EPHA6: variants seen among roughly 807,000 people sequenced by gnomAD.
EPHA6 encodes the protein EPH receptor A6.
Under a neutral mutation model 112.0 loss-of-function variants are expected in EPHA6, and 50 were observed. That is an observed-to-expected ratio of 0.45 (90% CI 0.36 to 0.56). EPHA6 has a LOEUF of 0.56. Ranked by LOEUF, EPHA6 falls within the 20% of genes least tolerant of loss-of-function variation. The pLI, the probability that EPHA6 is intolerant of heterozygous loss-of-function variation, is 0.00. For synonymous variants in EPHA6, 529 were observed against 490.7 expected, an observed-to-expected ratio of 1.08 and a Z score of -1.03; for missense variants, 1,280 against 1,417.4, an observed-to-expected ratio of 0.90 and a Z score of 1.56.
intron 2 of EPHA6, among the ~76,000 whole-genome samples, chr3:96,874,876 A>T (rs1490930788): frequency 6.6e-6 from 1 of 152,084 alleles, no homozygotes; most frequent in East Asian, 1.9e-4. Flanking sequence ...GGACTTGATG[A>T]CCTGAAGTCA....
chr3:96,940,161 T>C (rs2040853119), intron 2 of EPHA6, among the ~76,000 whole-genome samples: 1 of 152,178 alleles, frequency 6.6e-6, no homozygotes, highest in Non-Finnish European at 1.5e-5. Context: ...GGTATCCTTG[T>C]TTACTTTCTG....
intron 3 of EPHA6, among the ~76,000 whole-genome samples, chr3:97,187,681 GAAA>G: frequency 5.7e-5 from 6 of 105,298 alleles, no homozygotes; most frequent in Non-Finnish European, 8.0e-5. Flanking sequence ...GAAAGAGAAA[GAAA>G]GAAGGAAAGA....
intron 2 of EPHA6, among the ~76,000 whole-genome samples, chr3:96,981,282 GC>G (rs1283011849): frequency 2.6e-5 from 4 of 152,066 alleles, no homozygotes; most frequent in Non-Finnish European, 4.4e-5. Flanking sequence ...TTTGTCAAAG[GC>G]CTTTTCTGCA....
intron 3 of EPHA6, among the ~76,000 whole-genome samples, chr3:97,047,100 A>T (rs879285391): frequency 6.6e-6 from 1 of 152,100 alleles, no homozygotes; most frequent in Non-Finnish European, 1.5e-5. Context: ...TTGAATTTGT[A>T]TATGGTATAA....
intron 4 of EPHA6, among the ~76,000 whole-genome samples, chr3:97,240,429 T>A (rs1330057429): frequency 6.6e-6 from 1 of 151,938 alleles, no homozygotes; most frequent in Non-Finnish European, 1.5e-5. Flanking sequence ...TAAATATAGC[T>A]TAATATGCAA....
At chr3:96,961,446 G>T (rs2041945793) in intron 2 of EPHA6, among the ~76,000 whole-genome samples, 1 of 152,168 alleles carries the variant, frequency 6.6e-6, no homozygotes, top group Admixed American at 6.6e-5. Flanking sequence ...TGTCTTTATA[G>T]ATGCTATTAT....
intron 3 of EPHA6, among the ~76,000 whole-genome samples, chr3:97,090,822 G>A (rs2047041494): frequency 6.6e-6 from 1 of 152,022 alleles, no homozygotes; most frequent in African/African-American, 2.4e-5. Flanking sequence ...AGAGAGTTGA[G>A]ATTTATTTTT....
intron 6 of EPHA6, among the ~76,000 whole-genome samples, chr3:97,444,714 A>G (rs1443227669): frequency 1.3e-5 from 2 of 152,156 alleles, no homozygotes; most frequent in Non-Finnish European, 2.9e-5. Context: ...CTCTGACTGT[A>G]GAAAGATATA....
chr3:97,548,688 T>C (rs1396694609), intron 11 of EPHA6, among the ~76,000 whole-genome samples: 1 of 152,206 alleles, frequency 6.6e-6, no homozygotes, highest in Non-Finnish European at 1.5e-5. Flanking sequence ...GTGAAATTCA[T>C]CCATATTTTT....
At chr3:97,434,906 C>A (rs1404785565) in intron 6 of EPHA6, among the ~76,000 whole-genome samples, 3 of 151,642 alleles carry the variant, frequency 2.0e-5, no homozygotes, top group South Asian at 4.2e-4. Context: ...CCTCCCTACC[C>A]CTTATTCTTG....
At chr3:97,285,206 CT>C (rs11325946) in intron 5 of EPHA6, among the ~76,000 whole-genome samples, 2,370 of 152,110 alleles carry the variant, frequency 0.016, 53 homozygotes, top group African/African-American at 0.053. Flanking sequence ...AGAAAAATGA[CT>C]GATAGAAGTG....
At chr3:97,587,113 G>A (rs940864589) in intron 11 of EPHA6, among the ~76,000 whole-genome samples, 4 of 151,988 alleles carry the variant, frequency 2.6e-5, no homozygotes, top group African/African-American at 9.7e-5. Flanking sequence ...CATGGCGGCG[G>A]GCACCTGTAA....
At chr3:97,138,644 G>T (rs191093575) in intron 3 of EPHA6, among the ~76,000 whole-genome samples, 2 of 152,146 alleles carry the variant, frequency 1.3e-5, no homozygotes, top group Non-Finnish European at 2.9e-5. Context: ...CAGTCCAGGG[G>T]CATGGAGATC....
At chr3:97,278,284 A>T (rs1418549651) in intron 5 of EPHA6, among the ~76,000 whole-genome samples, 1 of 152,220 alleles carries the variant, frequency 6.6e-6, no homozygotes, top group African/African-American at 2.4e-5. Flanking sequence ...TATGAAAAAA[A>T]TAACACTACT....
intron 3 of EPHA6, among the ~76,000 whole-genome samples, chr3:97,200,249 A>G (rs2077545738): frequency 6.6e-6 from 1 of 152,118 alleles, no homozygotes; most frequent in Admixed American, 6.6e-5. Context: ...AATATTTCCC[A>G]GTTGCCCTCC....
chr3:97,155,206 A>G (rs963400793), intron 3 of EPHA6, among the ~76,000 whole-genome samples: 2 of 152,190 alleles, frequency 1.3e-5, no homozygotes, highest in African/African-American at 4.8e-5. Context: ...TCAACATTTA[A>G]TGTTCTATTT....
At chr3:96,982,435 T>G (rs1191055600) in intron 2 of EPHA6, among the ~76,000 whole-genome samples, 1 of 152,210 alleles carries the variant, frequency 6.6e-6, no homozygotes, top group African/African-American at 2.4e-5. Flanking sequence ...TGTTATAATT[T>G]CTGTTCTTTT....
chr3:97,737,600 A>G (rs1010478564), intron 16 of EPHA6, among the ~76,000 whole-genome samples: 21 of 152,084 alleles, frequency 1.4e-4, no homozygotes, highest in Admixed American at 1.3e-3. Flanking sequence ...CCCCAGAGAG[A>G]GGGAGAGGGA....
At chr3:97,107,273 G>A (rs776897095) in intron 3 of EPHA6, among the ~76,000 whole-genome samples, 2 of 152,074 alleles carry the variant, frequency 1.3e-5, no homozygotes, top group African/African-American at 2.4e-5. Flanking sequence ...GAAGTAAATA[G>A]TAGTGAGAAG....
Sources: allele counts gnomAD v4.1 joint callset (sites outside exome capture counted in the v4.1 genomes callset), GRCh38; gene constraint gnomAD v4.1.1; transcripts MANE v1.5; gene names NCBI Gene and HGNC (gene_info 2026-07-23, HGNC 2026-07-21).